The following ENPP3 variants were observed in gnomAD, a reference collection of about 807,000 sequenced individuals.
The protein encoded by ENPP3 is ectonucleotide pyrophosphatase/phosphodiesterase family member 3.
In ENPP3, 104 loss-of-function variants were observed where a neutral mutation model predicts 117.8. The ratio of observed to expected loss-of-function variants is 0.88; its 90% CI spans 0.75 to 1.04. The LOEUF is 1.04. ENPP3 is among the 50% of genes least tolerant of loss of function. The pLI, the probability that ENPP3 is intolerant of heterozygous loss-of-function variation, is 0.00. For synonymous variants in ENPP3, 380 were observed against 349.9 expected (o/e 1.09, Z -0.96); for missense variants, 1,026 against 1,051.9 (o/e 0.98, Z 0.34).
intron 6 of ENPP3, among the ~76,000 whole-genome samples, chr6:131,667,398 A>G (rs1169936419): frequency 6.6e-6 from 1 of 152,012 alleles, no homozygotes; most frequent in African/African-American, 2.4e-5. Context: ...TTATTGCCTG[A>G]TTTCTCTGTG....
chr6:131,689,076 A>G (rs1779222146), intron 14 of ENPP3, among the ~76,000 whole-genome samples: 1 of 152,078 alleles, frequency 6.6e-6, no homozygotes, highest in Non-Finnish European at 1.5e-5. Context: ...AAAGAGAGAG[A>G]GAGAAAAAAA....
At chr6:131,672,243 T>G (rs1778760212) in intron 7 of ENPP3, among the ~76,000 whole-genome samples, 1 of 152,216 alleles carries the variant, frequency 6.6e-6, no homozygotes, top group Admixed American at 6.5e-5. Flanking sequence ...TGTCATACTA[T>G]AAACAAGTAC....
chr6:131,655,500 C>G (rs58509935), intron 5 of ENPP3, among the ~76,000 whole-genome samples: 6,343 of 152,262 alleles, frequency 0.042, 220 homozygotes, highest in Middle Eastern at 0.14. Context: ...TCCCTCAAGT[C>G]ATAGGCTGAG....
intron 15 of ENPP3, among the ~76,000 whole-genome samples, chr6:131,706,627 T>C (rs1384929359): frequency 6.7e-6 from 1 of 150,322 alleles, no homozygotes; most frequent in Non-Finnish European, 1.5e-5. Flanking sequence ...ATTCCTGCTT[T>C]ATAGAGAGCT....
intron 1 of ENPP3, among the ~76,000 whole-genome samples, chr6:131,639,600 C>G (rs949131779): frequency 3.9e-5 from 6 of 152,056 alleles, no homozygotes; most frequent in Non-Finnish European, 8.8e-5. Context: ...CTGATGTCTT[C>G]AAACTTTTAC....
intron 5 of ENPP3, among the ~76,000 whole-genome samples, chr6:131,653,426 G>A (rs999435049): frequency 6.6e-6 from 1 of 151,508 alleles, no homozygotes; most frequent in African/African-American, 2.4e-5. Flanking sequence ...GGGATTCCAG[G>A]CATGAGCCAC....
At chr6:131,709,708 G>T in intron 15 of ENPP3, 1 of 1,613,696 alleles carries the variant, frequency 6.2e-7, no homozygotes, top group Non-Finnish European at 8.5e-7. Context: ...AAGATCTTTG[G>T]CTAGCTTTCT....
chr6:131,701,989 CAT>C (rs201952293), intron 15 of ENPP3, among the ~76,000 whole-genome samples: 10,504 of 150,708 alleles, frequency 0.07, 550 homozygotes, highest in African/African-American at 0.19. Flanking sequence ...TAAAAATAAA[CAT>C]GTCACATATT....
At chr6:131,689,275 A>G (rs1294360825) in intron 14 of ENPP3, among the ~76,000 whole-genome samples, 1 of 152,210 alleles carries the variant, frequency 6.6e-6, no homozygotes, top group Non-Finnish European at 1.5e-5. Flanking sequence ...TAGGACTTTC[A>G]TAGCTAGAGA....
At chr6:131,692,513 A>T (rs1021641188) in intron 14 of ENPP3, among the ~76,000 whole-genome samples, 10 of 151,326 alleles carry the variant, frequency 6.6e-5, no homozygotes, top group Non-Finnish European at 1.5e-4. Flanking sequence ...TTTTTGTGCA[A>T]TTAAACTACT....
Position 131,723,935 on chromosome 6 carries a change from T to C in ENPP3, c.1747-105T>C. ...AGTTAGGCTAGCTTCTTTGGCAGTA[T>C]AACATTTAATCGATTACTACAGAAA... On this transcript the variant is annotated intron_variant, in intron 18 of 24. Transcript: ENST00000357639. 4 of 778,044 alleles carry C rather than the reference T, an allele frequency of 5.1e-6. No individual in the cohort carries two copies. The Admixed American group carries it at 7.1e-5, about 14-fold the overall frequency. The allele number at this position is 778,044 out of a possible 1,614,324, so 48.2% of individuals were successfully genotyped here.
At chr6:131,676,942 T>C (rs1778881905) in intron 10 of ENPP3, 141 bp downstream of exon 10, 2 of 603,142 alleles carry the variant, frequency 3.3e-6, no homozygotes, top group East Asian at 5.6e-5. Context: ...ACACTTTTCA[T>C]GAATTATTCC....
At chr6:131,725,529 A>G (rs2114540132) in intron 19 of ENPP3, among the ~76,000 whole-genome samples, 1 of 152,144 alleles carries the variant, frequency 6.6e-6, no homozygotes, top group Non-Finnish European at 1.5e-5. Flanking sequence ...TAAAGGTCCC[A>G]CCTCCTAATA....
intron 6 of ENPP3, among the ~76,000 whole-genome samples, chr6:131,668,504 G>A (rs561835518): frequency 1.3e-5 from 2 of 152,132 alleles, no homozygotes; most frequent in South Asian, 2.1e-4. Flanking sequence ...CGTGAGCACC[G>A]TGCCCGGCCT....
At chr6:131,725,948 C>A in intron 19 of ENPP3, 98 bp from the exon 20 acceptor site, 1 of 704,496 alleles carries the variant, frequency 1.4e-6, no homozygotes, top group Non-Finnish European at 2.4e-6. Flanking sequence ...TATAATAAGC[C>A]ATAAGAGAGT....
At chr6:131,736,609 C>G (rs1462028800) in intron 21 of ENPP3, among the ~76,000 whole-genome samples, 1 of 151,994 alleles carries the variant, frequency 6.6e-6, no homozygotes, top group African/African-American at 2.4e-5. Flanking sequence ...GGGACACAGC[C>G]AAACCATATC....
chr6:131,666,271 T>G (rs1272751806), intron 6 of ENPP3, among the ~76,000 whole-genome samples: 1 of 152,156 alleles, frequency 6.6e-6, no homozygotes, highest in Non-Finnish European at 1.5e-5. Context: ...GCTTTTATTT[T>G]GCTGCTTTGA....
rs773433516 is a variant in ENPP3 at position 131,685,406 on chromosome 6, A to G, written c.1163A>G (p.Asp388Gly). Residue 388 changes from aspartate (D) to glycine (G), a missense_variant, in exon 13 of 25, where the codon GAT becomes GGT. Transcript: ENST00000357639. The part of the protein sequence containing the change: ...TYCNKMEYMT[D>G]YFPRINFFYM... ...TGTAACAAGATGGAATACATGACTGATTATTTTCCCAGAATAAACTTCTTC... is the reference window on the plus strand; with the variant it reads ...TGTAACAAGATGGAATACATGACTGGTTATTTTCCCAGAATAAACTTCTTC... The G allele has an allele frequency of 3.1e-6, 5 of 1,612,896 alleles. No individual in the cohort carries two copies. The South Asian group carries it at 5.5e-5, about 18-fold the overall frequency.
intron 15 of ENPP3, among the ~76,000 whole-genome samples, chr6:131,717,491 T>C (rs1025436309): frequency 1.3e-5 from 2 of 151,732 alleles, no homozygotes; most frequent in Admixed American, 6.6e-5. Flanking sequence ...AGTCCTTTGT[T>C]CCCTTCAGAG....
Sources: gnomAD v4.1 joint callset for allele counts (sites outside exome capture counted in the v4.1 genomes callset) on GRCh38, gnomAD v4.1.1 for gene constraint, MANE v1.5 for transcripts, NCBI Gene and HGNC (gene_info 2026-07-23, HGNC 2026-07-21) for gene names.